Variants in PRKAR2A observed in about 807,000 individuals in gnomAD.
The protein encoded by PRKAR2A is protein kinase cAMP-dependent type II regulatory subunit alpha.
In PRKAR2A, 29 loss-of-function variants were observed where a neutral mutation model predicts 51.9. The ratio of observed to expected loss-of-function variants is 0.56; its 90% confidence interval spans 0.42 to 0.76. The LOEUF is 0.76. Among genes scored for constraint, PRKAR2A ranks in the 30% least tolerant of loss-of-function variants. PRKAR2A has a pLI of 0.00. For missense variants in PRKAR2A, 445 were observed against 512.1 expected (o/e 0.87, Z 1.26); for synonymous variants, 178 against 186.2 (o/e 0.96, Z 0.36).
At chr3:48,828,421 C>T (rs981735740) in intron 1 of PRKAR2A, among the ~76,000 whole-genome samples, 7 of 151,470 alleles carry the variant, frequency 4.6e-5, no homozygotes, top group African/African-American at 1.7e-4. Flanking sequence ...TACAGGTACA[C>T]AAAAATATTT....
chr3:48,820,017 G>A (rs1293553217), intron 1 of PRKAR2A, among the ~76,000 whole-genome samples: 1 of 152,168 alleles, frequency 6.6e-6, no homozygotes, highest in African/African-American at 2.4e-5. Context: ...TCCAAGCCAG[G>A]CAAATCAGTG....
intron 2 of PRKAR2A, among the ~76,000 whole-genome samples, chr3:48,805,682 A>C (rs757449854): frequency 1.3e-5 from 2 of 152,244 alleles, no homozygotes; most frequent in Non-Finnish European, 2.9e-5. Flanking sequence ...GAAAGTCCTT[A>C]TAACTGTGCA....
downstream of PRKAR2A, among the ~76,000 whole-genome samples, chr3:48,745,727 C>T (rs1201363286): frequency 6.6e-6 from 1 of 151,894 alleles, no homozygotes; most frequent in Admixed American, 6.6e-5. Context: ...TTAGTAGAGA[C>T]TGGGTTTCAC....
chr3:48,760,188 C>T (rs1253017869), intron 8 of PRKAR2A, among the ~76,000 whole-genome samples: 1 of 151,898 alleles, frequency 6.6e-6, no homozygotes, highest in Non-Finnish European at 1.5e-5. Flanking sequence ...ACCCTGTTCT[C>T]TACTAAAAAT....
chr3:48,749,032 G>C lies in PRKAR2A; in HGVS notation c.*2553C>G, dbSNP rs2081605711. 1 of 152,244 alleles carries C rather than the reference G, an allele frequency of 6.6e-6. No homozygotes were observed. The highest frequency in any genetic ancestry group is 2.1e-4 in the South Asian group (1 of 4,832). The allele number at this position is 152,244 out of a possible 1,614,324, so 9.4% of individuals were successfully genotyped here. A position where few individuals can be genotyped will look rare whatever the true frequency, so the allele number is the denominator to read the frequency against. On this transcript the variant is annotated 3_prime_UTR_variant, in exon 11 of 11. Coordinates refer to ENST00000265563, the MANE Select transcript of PRKAR2A (RefSeq NM_004157.4). ...CTTGGTCACACTGTCCGTGGCAAAAGCGGAAAGCCTAGCTTATGTGGATAG... is the reference window on the plus strand; with the variant it reads ...CTTGGTCACACTGTCCGTGGCAAAACCGGAAAGCCTAGCTTATGTGGATAG...
At chr3:48,842,641 C>G (rs1199956315) in intron 1 of PRKAR2A, among the ~76,000 whole-genome samples, 2 of 152,120 alleles carry the variant, frequency 1.3e-5, no homozygotes, top group African/African-American at 4.8e-5. Context: ...TGAATTTTGT[C>G]AAAGGCCTTT....
chr3:48,793,634 C>G (rs1414940736), intron 3 of PRKAR2A, among the ~76,000 whole-genome samples: 8 of 151,802 alleles, frequency 5.3e-5, no homozygotes, highest in Non-Finnish European at 1.0e-4. Context: ...GCTGTGAATA[C>G]AGGCACATGC....
chr3:48,825,464 C>T (rs1394144130), intron 1 of PRKAR2A, among the ~76,000 whole-genome samples: 1 of 151,938 alleles, frequency 6.6e-6, no homozygotes, highest in African/African-American at 2.4e-5. Context: ...GAGTACAGAC[C>T]CTGGCACACA....
intron 1 of PRKAR2A, among the ~76,000 whole-genome samples, chr3:48,823,190 G>C (rs79672978): frequency 0.068 from 10,383 of 152,042 alleles, 486 homozygotes; most frequent in South Asian, 0.14. Context: ...ACAGGTGTAA[G>C]CCACTGTGCC....
intron 2 of PRKAR2A, among the ~76,000 whole-genome samples, chr3:48,807,434 C>G (rs1359375347): frequency 6.6e-6 from 1 of 151,978 alleles, no homozygotes; most frequent in African/African-American, 2.4e-5. Context: ...ATGACATAAA[C>G]GCAAAGAGAC....
At chr3:48,828,437 G>A (rs2083105042) in intron 1 of PRKAR2A, among the ~76,000 whole-genome samples, 1 of 151,978 alleles carries the variant, frequency 6.6e-6, no homozygotes, top group South Asian at 2.1e-4. Context: ...TATTTTGCTG[G>A]ATGGGAATGG....
At position 48,847,787 on chromosome 3, in the gene PRKAR2A, ACCGCCGCCGCTGTCACTGGGCAGCCG is replaced by A. The variant is rs950898231; in HGVS notation, c.-217_-192del. 40 of 516,098 alleles carry A rather than the reference ACCGCCGCCGCTGTCACTGGGCAGCCG, an allele frequency of 7.8e-5. No homozygotes were observed. The South Asian group carries it at 1.1e-3, about 15-fold the overall frequency. 32.0% of individuals were successfully genotyped at this position (516,098 alleles called of 1,614,324 possible). A position where few individuals can be genotyped will look rare whatever the true frequency, so the allele number is the denominator to read the frequency against. Reference sequence around the variant, plus strand: ...CCTACGCTACCACGGCCGACCTGGCACCGCCGCCGCTGTCACTGGGCAGCCGCCGCCGCCGCGGGGACCGACGGGCA... The same window carrying A: ...CCTACGCTACCACGGCCGACCTGGCACCGCCGCCGCGGGGACCGACGGGCA... On this transcript the variant is annotated 5_prime_UTR_variant, in exon 1 of 11. Transcript: ENST00000265563. The surrounding 1 kb of genome is among the most constrained non-coding windows in gnomAD (Gnocchi z 4.4).
chr3:48,750,268 CAGG>C lies in PRKAR2A; in HGVS notation c.*1314_*1316del, dbSNP rs1472577378. The C allele has an allele frequency of 6.6e-6, 1 of 152,110 alleles. No homozygotes were observed. The highest frequency in any genetic ancestry group is 6.6e-5 in the Admixed American group (1 of 15,256). 9.4% of individuals were successfully genotyped at this position (152,110 alleles called of 1,614,324 possible). On this transcript the variant is annotated 3_prime_UTR_variant, in exon 11 of 11. Coordinates refer to ENST00000265563, the MANE Select transcript of PRKAR2A (RefSeq NM_004157.4). ...ATCCCAGCTACTCAGGAGGTTGAGGCAGGAGAATCACTTTAATCTGGGAGGCGG... is the reference window on the plus strand; with the variant it reads ...ATCCCAGCTACTCAGGAGGTTGAGGCAGAATCACTTTAATCTGGGAGGCGG...
chr3:48,784,636 A>T (rs1575874089), intron 4 of PRKAR2A, among the ~76,000 whole-genome samples: 1 of 152,302 alleles, frequency 6.6e-6, no homozygotes, highest in African/African-American at 2.4e-5. Flanking sequence ...ATGTGTCATG[A>T]GATATAGAAT....
intron 1 of PRKAR2A, among the ~76,000 whole-genome samples, chr3:48,845,946 T>TAA (rs879935714): frequency 2.1e-5 from 3 of 143,090 alleles, no homozygotes; most frequent in African/African-American, 2.6e-5. Flanking sequence ...ATCCTGACTT[T>TAA]AAAAAAAAAA....
chr3:48,813,538 C>G (rs1352261642), intron 1 of PRKAR2A, among the ~76,000 whole-genome samples: 1 of 151,862 alleles, frequency 6.6e-6, no homozygotes, highest in Non-Finnish European at 1.5e-5. Flanking sequence ...ACTAAAAATA[C>G]AAAAAATTAG....
At chr3:48,785,681 G>A (rs2082279754) in intron 4 of PRKAR2A, among the ~76,000 whole-genome samples, 1 of 152,156 alleles carries the variant, frequency 6.6e-6, no homozygotes, top group Non-Finnish European at 1.5e-5. Context: ...ACAGGCGTGA[G>A]CTACCTTGCC....
At chr3:48,752,916 CTTTTTTTTTTTTTTTTTTTTTTTTT>C (rs59163654) in intron 9 of PRKAR2A, among the ~76,000 whole-genome samples, 1 of 47,496 alleles carries the variant, frequency 2.1e-5, no homozygotes, top group Non-Finnish European at 3.5e-5. Context: ...TTCCCTCCTC[CTTTTTTTTTTTTTTTTTTTTTTTTT>C]TTTTTTTTTG....
chr3:48,811,099 C>T (rs2082763429), intron 1 of PRKAR2A, among the ~76,000 whole-genome samples: 1 of 151,898 alleles, frequency 6.6e-6, no homozygotes, highest in Non-Finnish European at 1.5e-5. Context: ...ATCCATTGAG[C>T]CCAGGAGGTC....
Sources: gnomAD v4.1 joint callset for allele counts (sites outside exome capture counted in the v4.1 genomes callset) on GRCh38, gnomAD v4.1.1 for gene constraint, Gnocchi (gnomAD v3.1) non-coding constraint, MANE v1.5 for transcripts, NCBI Gene and HGNC (gene_info 2026-07-23, HGNC 2026-07-21) for gene names.